Variants in ARHGAP22 observed in about 807,000 individuals in gnomAD.
ARHGAP22 encodes the protein rho GTPase-activating protein 22.
A neutral mutation model predicts 59.1 loss-of-function variants in ARHGAP22; 48 were observed. The ratio of observed to expected loss-of-function variants is 0.81; its 90% CI spans 0.64 to 1.03. The LOEUF is 1.03. ARHGAP22 is among the 50% of genes least tolerant of loss of function. ARHGAP22 has a pLI of 0.00. For missense variants in ARHGAP22, 1,015 were observed against 958.7 expected (o/e 1.06, Z -0.78); for synonymous variants, 445 against 416.4 (o/e 1.07, Z -0.84).
intron 4 of ARHGAP22, among the ~76,000 whole-genome samples, chr10:48,478,421 G>A (rs541604568): frequency 1.3e-5 from 2 of 152,308 alleles, no homozygotes; most frequent in South Asian, 2.1e-4. Context: ...GGTGGGAGAG[G>A]AGAGTGGGCA....
intron 1 of ARHGAP22, among the ~76,000 whole-genome samples, chr10:48,595,063 G>A (rs1170067170): frequency 6.6e-6 from 1 of 152,176 alleles, no homozygotes; most frequent in Non-Finnish European, 1.5e-5. Flanking sequence ...GCAGCTGCTG[G>A]GCTCTCAGCT....
intron 3 of ARHGAP22, chr10:48,523,963 C>A: frequency 1.6e-6 from 2 of 1,265,238 alleles, no homozygotes; most frequent in Admixed American, 2.9e-5. Flanking sequence ...GCGGGCGGCC[C>A]TGGACACCCC....
chr10:48,527,663 G>A (rs2054456158), intron 3 of ARHGAP22, among the ~76,000 whole-genome samples: 1 of 152,216 alleles, frequency 6.6e-6, no homozygotes, highest in Non-Finnish European at 1.5e-5. Flanking sequence ...GCTGCGACTG[G>A]CAAAGCACCC....
chr10:48,553,271 G>A (rs2057043329), intron 3 of ARHGAP22, among the ~76,000 whole-genome samples: 1 of 152,250 alleles, frequency 6.6e-6, no homozygotes, highest in Non-Finnish European at 1.5e-5. Context: ...GCTGCACAAA[G>A]GCTGGAGGGC....
intron 2 of ARHGAP22, among the ~76,000 whole-genome samples, chr10:48,566,929 A>G (rs1177054581): frequency 6.6e-6 from 1 of 152,192 alleles, no homozygotes; most frequent in Non-Finnish European, 1.5e-5. Context: ...GGGAGTCATG[A>G]ATGAGCCCAG....
At chr10:48,468,664 T>C (rs1451091943) in intron 4 of ARHGAP22, among the ~76,000 whole-genome samples, 1 of 152,214 alleles carries the variant, frequency 6.6e-6, no homozygotes, top group Non-Finnish European at 1.5e-5. Flanking sequence ...GGACCTAATA[T>C]AAGGATATTT....
intron 1 of ARHGAP22, among the ~76,000 whole-genome samples, chr10:48,642,762 C>T (rs1343201128): frequency 6.6e-5 from 10 of 152,052 alleles, no homozygotes; most frequent in Non-Finnish European, 1.0e-4. Flanking sequence ...CTAAAGAGCT[C>T]CTGCACAGCA....
Position 48,535,604 on chromosome 10 carries a change from GCT to G in ARHGAP22, c.322+19857_322+19858del, listed in dbSNP as rs540206842. Among the ~76,000 whole-genome samples, 49 of 152,352 alleles carry G rather than the reference GCT, an allele frequency of 3.2e-4. No homozygotes were observed. The Middle Eastern group carries it at 0.02, about 63-fold the overall frequency. On this transcript the variant is annotated intron_variant, in intron 3 of 9. Transcript: ENST00000249601. ...ATGGGAGGCGGAGTCAATCTTTGCA[GCT>G]GCAAGAGAAGCAGAGGCTTTGGCTG...
chr10:48,610,036 T>C (rs1003688625), upstream of ARHGAP22, among the ~76,000 whole-genome samples: 2 of 152,208 alleles, frequency 1.3e-5, no homozygotes, highest in African/African-American at 4.8e-5. Flanking sequence ...TGCTCTGTCA[T>C]AGAGGGAATG....
At chr10:48,614,377 A>T (rs1200332301) in intron 1 of ARHGAP22, among the ~76,000 whole-genome samples, 11 of 152,214 alleles carry the variant, frequency 7.2e-5, no homozygotes, top group Non-Finnish European at 2.9e-5. Context: ...TAGGGTGCCA[A>T]ACTGAAGTGG....
At chr10:48,492,148 AT>A (rs34554808) in intron 3 of ARHGAP22, among the ~76,000 whole-genome samples, 1 of 152,266 alleles carries the variant, frequency 6.6e-6, no homozygotes, top group South Asian at 2.1e-4. Flanking sequence ...GTGTGAAAGC[AT>A]TTTGTAAGCT....
At chr10:48,440,325 A>G in the ARHGAP22 span, among the ~76,000 whole-genome samples, 76 of 152,308 alleles carry the variant, frequency 5.0e-4, no homozygotes, top group African/African-American at 1.8e-3. Context: ...TCTAACATGT[A>G]CTTTACTTAA....
intron 9 of ARHGAP22, among the ~76,000 whole-genome samples, chr10:48,449,751 A>G (rs1208884607): frequency 6.6e-6 from 1 of 152,132 alleles, no homozygotes; most frequent in East Asian, 1.9e-4. Context: ...GTGCAGCACA[A>G]CCATCCTGTG....
At position 48,455,147 on chromosome 10, in the gene ARHGAP22, A is replaced by C. The variant is rs753641699; in HGVS notation, c.660-13T>G. ...CACGTCTGTTGTGCTGTGGGGGGGA[A>C]GAGGACAGGTGTGTGAGGCCTGGGA... On this transcript the variant is annotated splice_polypyrimidine_tract_variant and intron_variant, in intron 5 of 9. Coordinates refer to ENST00000249601, the MANE Select transcript of ARHGAP22 (RefSeq NM_021226.4). 9 of 1,599,756 alleles carry C rather than the reference A, an allele frequency of 5.6e-6. No homozygotes were observed. Among genetic ancestry groups the C allele is most frequent in the Non-Finnish European group, 7.7e-6 (9 of 1,171,530 alleles).
chr10:48,504,852 A>G (rs1370036935), intron 3 of ARHGAP22, among the ~76,000 whole-genome samples: 2 of 152,052 alleles, frequency 1.3e-5, no homozygotes, highest in African/African-American at 4.8e-5. Flanking sequence ...GAACTTGCTC[A>G]TAAGTTGGGG....
intron 5 of ARHGAP22, among the ~76,000 whole-genome samples, chr10:48,457,598 C>G (rs1177307818): frequency 6.6e-6 from 1 of 152,168 alleles, no homozygotes; most frequent in Admixed American, 6.5e-5. Flanking sequence ...GGAGGCTGTC[C>G]TCAGAGCTCA....
intron 2 of ARHGAP22, among the ~76,000 whole-genome samples, chr10:48,558,722 T>C (rs2057485348): frequency 1.3e-5 from 2 of 152,178 alleles, no homozygotes; most frequent in South Asian, 4.1e-4. Context: ...GACCCCACCC[T>C]TGAGTTTCTA....
chr10:48,615,608 A>AT (rs1269262277), intron 1 of ARHGAP22, among the ~76,000 whole-genome samples: 1 of 152,168 alleles, frequency 6.6e-6, no homozygotes, highest in Non-Finnish European at 1.5e-5. Flanking sequence ...AGTATGGCTT[A>AT]TTTTTTTGAT....
chr10:48,616,078 C>A (rs2135999430), intron 1 of ARHGAP22, among the ~76,000 whole-genome samples: 1 of 152,078 alleles, frequency 6.6e-6, no homozygotes, highest in South Asian at 2.1e-4. Flanking sequence ...TTCCACTTGG[C>A]AGATATTGCA....
Sources: allele counts gnomAD v4.1 joint callset (sites outside exome capture counted in the v4.1 genomes callset), GRCh38; gene constraint gnomAD v4.1.1; transcripts MANE v1.5; gene names NCBI Gene and HGNC (gene_info 2026-07-23, HGNC 2026-07-21).